DACH1: variants seen among roughly 807,000 people sequenced by gnomAD.
The protein encoded by DACH1 is dachshund family transcription factor 1.
DACH1 carries 12 observed loss-of-function variants against 54.2 expected under a neutral mutation model. The observed-to-expected ratio is 0.22, with a 90% CI of 0.14 to 0.36. DACH1 has a LOEUF of 0.36. Among genes scored for constraint, DACH1 ranks in the 10% least tolerant of loss-of-function variants. The pLI is 1.00. For synonymous variants in DACH1, 386 were observed against 366.2 expected (o/e 1.05, Z -0.62); for missense variants, 805 against 929.8 (o/e 0.87, Z 1.75).
At chr13:71,634,850 C>T (rs1037996589) in intron 2 of DACH1, among the ~76,000 whole-genome samples, 5 of 152,118 alleles carry the variant, frequency 3.3e-5, no homozygotes, top group Non-Finnish European at 1.5e-5. Flanking sequence ...GGTTTGAGGC[C>T]TCTGCAACTG....
At chr13:71,585,572 A>G (rs1433702847) in intron 3 of DACH1, among the ~76,000 whole-genome samples, 1 of 152,156 alleles carries the variant, frequency 6.6e-6, no homozygotes, top group Non-Finnish European at 1.5e-5. Context: ...TGAGGCGAAG[A>G]CATACATAAA....
intron 1 of DACH1, among the ~76,000 whole-genome samples, chr13:71,787,472 A>G (rs1015792223): frequency 2.6e-5 from 4 of 152,222 alleles, no homozygotes; most frequent in African/African-American, 9.6e-5. Flanking sequence ...TTCAAAGCCT[A>G]GAATCATGAC....
At chr13:71,700,578 A>AT (rs1262901165) in intron 1 of DACH1, among the ~76,000 whole-genome samples, 19 of 97,710 alleles carry the variant, frequency 1.9e-4, no homozygotes, top group East Asian at 1.7e-3. Flanking sequence ...AAAAAAAAAA[A>AT]AAAAAAAGAG....
At chr13:71,783,252 G>T (rs1392385284) in intron 1 of DACH1, among the ~76,000 whole-genome samples, 1 of 152,016 alleles carries the variant, frequency 6.6e-6, no homozygotes, top group African/African-American at 2.4e-5. Context: ...AACAATAAAA[G>T]GCAACTCAAG....
chr13:71,497,337 C>CT lies in DACH1; in HGVS notation c.1571-8190dup, dbSNP rs576473365. 3.2e-3 allele frequency among the ~76,000 whole-genome samples: 463 copies of CT among 145,860 alleles called. 1 individual carries two copies. The highest frequency in any genetic ancestry group is 0.017 in the South Asian group (76 of 4,606). On this transcript the variant is annotated intron_variant, in intron 6 of 10. Transcript: ENST00000613252. ...TGTACCATAAGCCTGTGGTTTCTTC[C>CT]TTTTTTTTTTTGAGACTGAGTTTCG...
At chr13:71,477,700 G>T (rs974978839) in intron 8 of DACH1, among the ~76,000 whole-genome samples, 3 of 152,060 alleles carry the variant, frequency 2.0e-5, no homozygotes, top group Admixed American at 6.6e-5. Flanking sequence ...TATTTATTTG[G>T]ATTGTACACT....
intron 2 of DACH1, among the ~76,000 whole-genome samples, chr13:71,651,095 A>G (rs1214408843): frequency 6.6e-6 from 1 of 152,206 alleles, no homozygotes; most frequent in African/African-American, 2.4e-5. Context: ...TAATCATTGT[A>G]CTAAAAGACA....
intron 1 of DACH1, among the ~76,000 whole-genome samples, chr13:71,828,379 T>C (rs1436482707): frequency 1.3e-5 from 2 of 152,000 alleles, no homozygotes; most frequent in African/African-American, 4.8e-5. Context: ...TGACCTTAAG[T>C]GAGTTCTTTA....
intron 3 of DACH1, among the ~76,000 whole-genome samples, chr13:71,574,256 T>G (rs1218276027): frequency 6.6e-6 from 1 of 152,116 alleles, no homozygotes; most frequent in African/African-American, 2.4e-5. Flanking sequence ...GAACACTCCT[T>G]GGAAGGTGTT....
intron 6 of DACH1, among the ~76,000 whole-genome samples, chr13:71,519,898 T>TATATATATATATATATATAG (rs1881456229): frequency 7.5e-6 from 1 of 132,952 alleles, no homozygotes; most frequent in African/African-American, 2.6e-5. Context: ...TATATATATA[T>TATATATATATATATATATAG]ATATATATAT....
At chr13:71,593,461 T>C (rs1593952522) in intron 3 of DACH1, among the ~76,000 whole-genome samples, 1 of 152,164 alleles carries the variant, frequency 6.6e-6, no homozygotes, top group African/African-American at 2.4e-5. Flanking sequence ...ATGTTTTAAC[T>C]GGTAAATGAA....
At chr13:71,710,078 T>G (rs1882638120) in intron 1 of DACH1, among the ~76,000 whole-genome samples, 1 of 152,140 alleles carries the variant, frequency 6.6e-6, no homozygotes, top group South Asian at 2.1e-4. Flanking sequence ...ATATATTTTT[T>G]GTAATTTTAT....
At chr13:71,474,458 G>T (rs780976143) in intron 10 of DACH1, among the ~76,000 whole-genome samples, 2 of 152,112 alleles carry the variant, frequency 1.3e-5, no homozygotes, top group Non-Finnish European at 2.9e-5. Flanking sequence ...ATGTTGTTAG[G>T]TTGAATTTGT....
At chr13:71,544,792 A>C (rs1883353466) in intron 6 of DACH1, among the ~76,000 whole-genome samples, 1 of 152,002 alleles carries the variant, frequency 6.6e-6, no homozygotes, top group Non-Finnish European at 1.5e-5. Context: ...GTGAATTACA[A>C]ATCTTATCAG....
intron 3 of DACH1, among the ~76,000 whole-genome samples, chr13:71,611,588 A>AT: frequency 6.6e-6 from 1 of 152,296 alleles, no homozygotes; most frequent in East Asian, 1.9e-4. Context: ...AAAATGTTTG[A>AT]TTTTATGAAC....
intron 6 of DACH1, among the ~76,000 whole-genome samples, chr13:71,528,281 A>G (rs1412653696): frequency 1.3e-5 from 2 of 152,180 alleles, no homozygotes; most frequent in Non-Finnish European, 2.9e-5. Flanking sequence ...TAAAGTTTCT[A>G]TAGATGAGAC....
At chr13:71,827,666 A>T (rs971479151) in intron 1 of DACH1, among the ~76,000 whole-genome samples, 35 of 152,104 alleles carry the variant, frequency 2.3e-4, no homozygotes, top group African/African-American at 7.7e-4. Context: ...ATTCACCTTC[A>T]ATGTGACAGT....
chr13:71,693,144 C>T (rs912280096), intron 1 of DACH1, among the ~76,000 whole-genome samples: 9 of 152,164 alleles, frequency 5.9e-5, no homozygotes, highest in Middle Eastern at 3.4e-3. Context: ...GAAAAAACTA[C>T]AGCGAGTGTG....
chr13:71,611,376 T>C (rs1196122747), intron 3 of DACH1, among the ~76,000 whole-genome samples: 2 of 152,252 alleles, frequency 1.3e-5, no homozygotes, highest in Non-Finnish European at 2.9e-5. Context: ...GAATCGTCCA[T>C]GGACTTATTC....
Sources: allele counts gnomAD v4.1 joint callset (sites outside exome capture counted in the v4.1 genomes callset), GRCh38; gene constraint gnomAD v4.1.1; transcripts MANE v1.5; gene names NCBI Gene and HGNC (gene_info 2026-07-23, HGNC 2026-07-21).